Variants in MAP3K20 observed in about 807,000 individuals in gnomAD.
MAP3K20 encodes the protein HCCS-4.
MAP3K20 carries 40 observed loss-of-function variants against 85.7 expected under a neutral mutation model. The ratio of observed to expected loss-of-function variants is 0.47; its 90% CI spans 0.36 to 0.61. The LOEUF is 0.61. Among genes scored for constraint, MAP3K20 ranks in the 20% least tolerant of loss-of-function variants. The pLI, the probability that MAP3K20 is intolerant of heterozygous loss-of-function variation, is 0.00. For missense variants in MAP3K20, 817 were observed against 961.7 expected, an observed-to-expected ratio of 0.85 and a Z score of 1.99; for synonymous variants, 325 against 327.7, an observed-to-expected ratio of 0.99 and a Z score of 0.09.
At chr2:173,181,052 G>A (rs1243631575) in intron 3 of MAP3K20, among the ~76,000 whole-genome samples, 1 of 152,144 alleles carries the variant, frequency 6.6e-6, no homozygotes, top group African/African-American at 2.4e-5. Flanking sequence ...AAACAACCCA[G>A]TGTAAAAGTG....
chr2:173,102,112 G>A (rs1198479180), intron 2 of MAP3K20, among the ~76,000 whole-genome samples: 1 of 152,058 alleles, frequency 6.6e-6, no homozygotes, highest in Non-Finnish European at 1.5e-5. Context: ...TGTACTTTCT[G>A]GACTCTACAC....
intron 11 of MAP3K20, among the ~76,000 whole-genome samples, chr2:173,220,067 C>CAAAAAAAAA (rs71018543): frequency 1.8e-5 from 2 of 114,220 alleles, no homozygotes; most frequent in East Asian, 6.4e-4. Context: ...GACTCTGTCT[C>CAAAAAAAAA]AAAAAAAAAA....
At chr2:173,162,715 G>A (rs989232045) in intron 2 of MAP3K20, among the ~76,000 whole-genome samples, 1 of 151,072 alleles carries the variant, frequency 6.6e-6, no homozygotes, top group Non-Finnish European at 1.5e-5. Flanking sequence ...AATTGGTGAG[G>A]ACCTTAGAGA....
rs1010237929 is a variant in MAP3K20, at chr2:173,217,168, G to A, written c.905G>A (p.Ser302Asn). 6 of 1,607,288 alleles carry A rather than the reference G, an allele frequency of 3.7e-6. No homozygotes were observed. The highest frequency in any genetic ancestry group is 1.6e-4 in the Middle Eastern group (1 of 6,072). Residue 302 changes from serine to asparagine, a missense_variant, in exon 11 of 20, where the codon AGC becomes AAC. Coordinates refer to ENST00000375213, the MANE Select transcript of MAP3K20 (RefSeq NM_016653.3). ...CTAAAGAAACTAGAGCGTGATCTCA[G>A]CTTTAAGGAGCAGGAGCTTAAAGAA... Reference protein sequence around the residue: ...ERLKKLERDLSFKEQELKERE... With the variant: ...ERLKKLERDLNFKEQELKERE...
At chr2:173,209,976 A>AT (rs1683829953) in intron 10 of MAP3K20, 141 bp downstream of exon 10, 2 of 735,044 alleles carry the variant, frequency 2.7e-6, no homozygotes, top group East Asian at 5.4e-5. Flanking sequence ...TTTTTTTATG[A>AT]TTTTGGAACT....
intron 9 of MAP3K20, among the ~76,000 whole-genome samples, chr2:173,204,832 G>C (rs552613528): frequency 1.3e-5 from 2 of 152,006 alleles, no homozygotes; most frequent in African/African-American, 2.4e-5. Context: ...GGCTGGGCGC[G>C]GTGGCTCACG....
In MAP3K20 at chr2:173,217,158, C is replaced by G. The variant is rs769152898; in HGVS notation, c.895C>G (p.Arg299Gly). The change falls in exon 11 of 20, where the codon CGT becomes GGT. Residue 299 changes from arginine to glycine, a missense_variant. By Grantham distance (125) the Arg-to-Gly change is moderately radical. This residue lies in a region of MAP3K20 where 158 missense variants were observed against 162.0 expected (regional missense o/e 0.98). Transcript: ENST00000375213. Reference protein sequence around the residue: ...ATLERLKKLERDLSFKEQELK... With the variant: ...ATLERLKKLEGDLSFKEQELK... ...TCTTGAGAGGCTAAAGAAACTAGAG[C>G]GTGATCTCAGCTTTAAGGAGCAGGA... 2 of 1,603,156 alleles carry G rather than the reference C, an allele frequency of 1.2e-6. No individual in the cohort carries two copies. Among genetic ancestry groups the G allele is most frequent in the Non-Finnish European group, 1.7e-6 (2 of 1,174,532 alleles).
intron 2 of MAP3K20, among the ~76,000 whole-genome samples, chr2:173,134,426 A>ATTTTTTT (rs1457014949): frequency 8.6e-4 from 4 of 4,672 alleles, no homozygotes; most frequent in African/African-American, 1.3e-3. Flanking sequence ...ATATATATAT[A>ATTTTTTT]TATTTTTTTT....
chr2:173,129,964 T>C (rs1015319010), intron 2 of MAP3K20, among the ~76,000 whole-genome samples: 2 of 152,220 alleles, frequency 1.3e-5, no homozygotes, highest in Admixed American at 6.5e-5. Flanking sequence ...AGTAAGGACT[T>C]GGGAAATCAA....
chr2:173,127,499 A>G (rs1307666864), intron 2 of MAP3K20, among the ~76,000 whole-genome samples: 3 of 152,242 alleles, frequency 2.0e-5, no homozygotes, highest in Non-Finnish European at 4.4e-5. Flanking sequence ...TTCATTTTGA[A>G]GAGTTTTTGG....
chr2:173,076,069 T>G (rs1573990671), intron 1 of MAP3K20, 67 bp downstream of exon 1: 1 of 962,058 alleles, frequency 1.0e-6, no homozygotes, highest in South Asian at 4.8e-5. Flanking sequence ...CGCTCGCGAG[T>G]CGTCCCTGCG....
intron 2 of MAP3K20, among the ~76,000 whole-genome samples, chr2:173,136,099 A>G (rs75202607): frequency 0.031 from 4,722 of 152,296 alleles, 168 homozygotes; most frequent in African/African-American, 0.085. Context: ...AACAACATCA[A>G]TGCTAAAATT....
intron 3 of MAP3K20, among the ~76,000 whole-genome samples, chr2:173,178,251 T>C (rs1199193039): frequency 6.6e-6 from 1 of 152,214 alleles, no homozygotes; most frequent in African/African-American, 2.4e-5. Flanking sequence ...GTTATGACAG[T>C]CTTTATGCCA....
rs147257191 is a variant in MAP3K20, at chr2:173,248,176, C to G, written c.1359+8680C>G. Among the ~76,000 whole-genome samples the G allele has an allele frequency of 8.5e-5, 13 of 152,170 alleles. No homozygotes were observed. In the East Asian group the frequency reaches 2.5e-3, roughly 29 times the overall value. ...TCATTTTCTTGGTTTTGTGTGCATG[C>G]GGGTGACAGGGTTAACTCCCTTGAG... On this transcript the variant is annotated intron_variant, in intron 16 of 19. Transcript: ENST00000375213.
In MAP3K20 at chr2:173,124,853, TG is replaced by T. The variant is rs1688396864; in HGVS notation, c.159+33665del. Among the ~76,000 whole-genome samples, 2 of 152,186 alleles carry T rather than the reference TG, an allele frequency of 1.3e-5. 1 individual carries two copies. Among genetic ancestry groups the T allele is most frequent in the South Asian group, 4.1e-4 (2 of 4,830 alleles). On this transcript the variant is annotated intron_variant, in intron 2 of 19. Coordinates refer to ENST00000375213, the MANE Select transcript of MAP3K20 (RefSeq NM_016653.3). ...AGTTGCAACAACTGGTTGGGCATGG[TG>T]GCTCACACTTGTAATTCCAGCACTT...
chr2:173,103,188 A>G (rs1016414345), intron 2 of MAP3K20, among the ~76,000 whole-genome samples: 2 of 152,224 alleles, frequency 1.3e-5, no homozygotes, highest in African/African-American at 2.4e-5. Context: ...TGTGAAAGCG[A>G]GGGACTTTTT....
chr2:173,222,867 T>G (rs1287382082), intron 11 of MAP3K20: 1 of 985,280 alleles, frequency 1.0e-6, no homozygotes, highest in Non-Finnish European at 1.2e-6. Flanking sequence ...TTGTCAAAGC[T>G]TGTTTAAATT....
At position 173,123,818 on chromosome 2, in the gene MAP3K20, C is replaced by T. The variant is rs561912204; in HGVS notation, c.159+32628C>T. Reference sequence around the variant, plus strand: ...TCTGGAAATAGTAGCTCTATGACTACAGGAAATAAAATATTTTTTTAGAGC... The same window carrying T: ...TCTGGAAATAGTAGCTCTATGACTATAGGAAATAAAATATTTTTTTAGAGC... On this transcript the variant is annotated intron_variant, in intron 2 of 19. Coordinates refer to ENST00000375213, the MANE Select transcript of MAP3K20 (RefSeq NM_016653.3). Among the ~76,000 whole-genome samples, 15 of 152,030 alleles carry T rather than the reference C, an allele frequency of 9.9e-5. No individual in the cohort carries two copies. In the South Asian group the frequency reaches 1.9e-3, roughly 19 times the overall value.
At chr2:173,225,044 T>C in intron 11 of MAP3K20, 11 of 984,744 alleles carry the variant, frequency 1.1e-5, no homozygotes, top group Non-Finnish European at 1.3e-5. Context: ...GTTGTGGGAA[T>C]AATTATCAGA....
Sources: gnomAD v4.1 joint callset for allele counts (sites outside exome capture counted in the v4.1 genomes callset) on GRCh38, gnomAD v4.1.1 for gene constraint, gnomAD v4.1.1 regional missense constraint, MANE v1.5 for transcripts, NCBI Gene and HGNC (gene_info 2026-07-23, HGNC 2026-07-21) for gene names.